The following ATAT1 variants were observed in gnomAD, a reference collection of about 807,000 sequenced individuals.
ATAT1 encodes the protein alpha tubulin acetyltransferase 1, also known as alpha-tubulin N-acetyltransferase 1.
Under a neutral mutation model 57.2 loss-of-function variants are expected in ATAT1, and 42 were observed. The ratio of observed to expected loss-of-function variants is 0.73; its 90% CI spans 0.57 to 0.95. The LOEUF (loss-of-function observed/expected upper bound fraction) is 0.95, where lower values mean the gene tolerates loss of function less well. ATAT1 is among the 40% of genes least tolerant of loss of function. The pLI, the probability that ATAT1 is intolerant of heterozygous loss-of-function variation, is 0.00. For missense variants in ATAT1, 454 were observed against 523.7 expected, an observed-to-expected ratio of 0.87 and a Z score of 1.30; for synonymous variants, 168 against 187.1, an observed-to-expected ratio of 0.90 and a Z score of 0.83.
chr6:30,634,990 AAAC>A (rs1487022307), intron 6 of ATAT1, among the ~76,000 whole-genome samples: 8 of 152,244 alleles, frequency 5.3e-5, no homozygotes, highest in East Asian at 1.9e-4. Context: ...TACATCTCAA[AAAC>A]AACAACAACA....
At chr6:30,639,698 C>A (rs908963434) in intron 6 of ATAT1, among the ~76,000 whole-genome samples, 13 of 151,092 alleles carry the variant, frequency 8.6e-5, no homozygotes, top group African/African-American at 2.7e-4. Flanking sequence ...AGGATGGTCT[C>A]GATCTCCTGA....
chr6:30,631,266 G>A (rs1039321635), intron 6 of ATAT1, among the ~76,000 whole-genome samples: 2 of 151,548 alleles, frequency 1.3e-5, no homozygotes, highest in East Asian at 1.9e-4. Flanking sequence ...CGCGGATCAC[G>A]AGGTCAGGAG....
intron 8 of ATAT1, 91 bp downstream of exon 8, chr6:30,640,694 T>G: frequency 6.6e-7 from 1 of 1,504,610 alleles, no homozygotes; most frequent in Non-Finnish European, 9.1e-7. Context: ...GTGGGCAATT[T>G]TGGAAAATTC....
At chr6:30,643,220 G>T in intron 10 of ATAT1, 1 of 1,426,530 alleles carries the variant, frequency 7.0e-7, no homozygotes. Context: ...ATGGAGCCTA[G>T]GGACCCTGGC....
intron 6 of ATAT1, among the ~76,000 whole-genome samples, chr6:30,634,168 G>A (rs1016966580): frequency 6.6e-6 from 1 of 151,950 alleles, no homozygotes; most frequent in African/African-American, 2.4e-5. Context: ...AACTTCCAAG[G>A]TCTTGCTCTT....
chr6:30,642,833 G>GTCCCCCCCCCCCCCCC lies in ATAT1; in HGVS notation c.754_755insTCCCCCCCCCCCCCCC (p.Ala252ValfsTer53). Reference sequence around the variant, plus strand: ...GGCCCCTCGCCGCGCCACACCTCCAGCCCACCCACCCCCCCGCTCCAGCAG... The same window carrying GTCCCCCCCCCCCCCCC: ...GGCCCCTCGCCGCGCCACACCTCCAGTCCCCCCCCCCCCCCCCCCACCCACCCCCCCGCTCCAGCAG... On this transcript the variant is annotated frameshift_variant, in exon 10 of 13. Coordinates refer to ENST00000330083, the MANE Select transcript of ATAT1 (RefSeq NM_001031722.4). LOFTEE classifies it high-confidence loss of function. 6.5e-7 allele frequency: 1 copy of GTCCCCCCCCCCCCCCC among 1,537,878 alleles called. No homozygotes were observed. Among genetic ancestry groups the GTCCCCCCCCCCCCCCC allele is most frequent in the Non-Finnish European group, 8.7e-7 (1 of 1,145,784 alleles).
chr6:30,645,373 G>A (rs1363281919), intron 10 of ATAT1, among the ~76,000 whole-genome samples: 1 of 152,040 alleles, frequency 6.6e-6, no homozygotes, highest in Non-Finnish European at 1.5e-5. Context: ...GCACCACCGT[G>A]CCCAGCTAGT....
Position 30,646,095 on chromosome 6 carries a change from G to C in ATAT1, c.1041G>C (p.Gln347His). 2 of 1,610,182 alleles carry C rather than the reference G, an allele frequency of 1.2e-6. No individual in the cohort carries two copies. Among genetic ancestry groups the C allele is most frequent in the Non-Finnish European group, 1.7e-6 (2 of 1,178,116 alleles). The stretch of plus-strand genomic sequence containing the variant: ...ACCAAGACTCCAAGCAGGGAGAACA[G>C]GAAACAAAGAATAGGTGAGGTCTAA... Residue 347 changes from glutamine (Q) to histidine (H), a missense_variant, in exon 12 of 13, where the codon CAG (glutamine) becomes CAC (histidine). Gln to His is a conservative substitution (Grantham distance 24). Transcript: ENST00000330083.
intron 7 of ATAT1, 54 bp downstream of exon 7, chr6:30,640,476 C>T: frequency 6.2e-7 from 1 of 1,612,512 alleles, no homozygotes; most frequent in African/African-American, 1.3e-5. Flanking sequence ...AAGGAAAGAG[C>T]TGGACTCTTG....
chr6:30,641,663 C>T, intron 8 of ATAT1: 9 of 478,308 alleles, frequency 1.9e-5, no homozygotes, highest in Non-Finnish European at 2.4e-5. Flanking sequence ...TTTTTTTAAC[C>T]TAATAAAACT....
chr6:30,634,654 T>C (rs1763631551), intron 6 of ATAT1, among the ~76,000 whole-genome samples: 1 of 116,512 alleles, frequency 8.6e-6, no homozygotes, highest in South Asian at 2.9e-4. Flanking sequence ...CATTATAATC[T>C]CAAAGGAGGA....
At chr6:30,643,539 C>T (rs1333893417) in intron 10 of ATAT1, 25 of 1,550,664 alleles carry the variant, frequency 1.6e-5, no homozygotes, top group Admixed American at 3.9e-5. Context: ...CTCCCTTCCC[C>T]GCTCTGAGGA....
intron 10 of ATAT1, among the ~76,000 whole-genome samples, chr6:30,645,262 C>A (rs1766458678): frequency 6.6e-6 from 1 of 150,452 alleles, no homozygotes; most frequent in Admixed American, 6.6e-5. Context: ...TGTCGCCAGG[C>A]TGGAGTGCAG....
In ATAT1 at chr6:30,642,980, G is replaced by C; in HGVS notation, c.901G>C (p.Gly301Arg). The C allele has an allele frequency of 6.2e-7, 1 of 1,613,930 alleles. No homozygotes were observed. The highest frequency in any genetic ancestry group is 8.5e-7 in the Non-Finnish European group (1 of 1,179,950). The stretch of plus-strand genomic sequence containing the variant: ...CCGCCTTCTGTTGGCTGCTGACCCT[G>C]GGGGCAGCCCAGCTCAACGTCGTCG... Residue 301 changes from glycine to arginine, a missense_variant, in exon 10 of 13, where the codon GGG becomes CGG. Coordinates refer to ENST00000330083, the MANE Select transcript of ATAT1 (RefSeq NM_001031722.4).
intron 6 of ATAT1, chr6:30,633,700 G>A: frequency 1.4e-5 from 3 of 212,830 alleles, no homozygotes; most frequent in Non-Finnish European, 3.2e-5. Flanking sequence ...AGTTGTGGAG[G>A]AGGCAGAAAG....
intron 12 of ATAT1, 93 bp downstream of exon 12, chr6:30,646,202 T>C (rs1006284072): frequency 5.9e-6 from 9 of 1,523,834 alleles, no homozygotes; most frequent in African/African-American, 1.4e-5. Context: ...TTAAATCTTA[T>C]TGTATGAACT....
rs188978761 is a variant in ATAT1 at position 30,644,783 on chromosome 6, G to A, written c.933-1112G>A. 3.2e-4 allele frequency: 117 copies of A among 362,266 alleles called. 1 individual carries two copies. The Middle Eastern group carries it at 7.0e-3, about 22-fold the overall frequency. 22.4% of individuals were successfully genotyped at this position (362,266 alleles called of 1,614,324 possible). A position where few individuals can be genotyped will look rare whatever the true frequency, so the allele number is the denominator to read the frequency against. On this transcript the variant is annotated intron_variant, in intron 10 of 12. Transcript: ENST00000330083. ...AGATCTGCACATCTTTTACCCAGGAGCCTCAGAGCTCCTGAGTCTGGTGTC... is the reference window on the plus strand; with the variant it reads ...AGATCTGCACATCTTTTACCCAGGAACCTCAGAGCTCCTGAGTCTGGTGTC...
chr6:30,631,415 C>A (rs1762844142), intron 6 of ATAT1, among the ~76,000 whole-genome samples: 1 of 151,888 alleles, frequency 6.6e-6, no homozygotes, highest in Admixed American at 6.6e-5. Context: ...GCAGAGCTTG[C>A]AGTGAGCCGA....
At chr6:30,639,369 TTC>T (rs1278916869) in intron 6 of ATAT1, among the ~76,000 whole-genome samples, 1 of 152,212 alleles carries the variant, frequency 6.6e-6, no homozygotes, top group East Asian at 1.9e-4. Context: ...TTAAATTGTG[TTC>T]TTTTTTGTTC....
Sources: allele counts gnomAD v4.1 joint callset (sites outside exome capture counted in the v4.1 genomes callset), GRCh38; gene constraint gnomAD v4.1.1; transcripts MANE v1.5; gene names NCBI Gene and HGNC (gene_info 2026-07-23, HGNC 2026-07-21).